Variants in ZFHX3 observed in about 807,000 individuals in gnomAD.
The protein encoded by ZFHX3 is zinc finger homeobox 3.
A neutral mutation model predicts 279.1 loss-of-function variants in ZFHX3; 42 were observed. The ratio of observed to expected loss-of-function variants is 0.15; its 90% CI spans 0.12 to 0.19. The LOEUF (loss-of-function observed/expected upper bound fraction) is 0.19, where lower values mean the gene tolerates loss of function less well. Ranked by LOEUF, ZFHX3 falls within the 10% of genes least tolerant of loss-of-function variation. ZFHX3 has a pLI of 1.00. For synonymous variants in ZFHX3, 2,293 were observed against 1,957.8 expected (o/e 1.17, Z -4.52); for missense variants, 4,981 against 4,754.0 (o/e 1.05, Z -1.40).
At chr16:73,105,383 A>G (rs1192476117) in intron 7 of ZFHX3, among the ~76,000 whole-genome samples, 1 of 36,206 alleles carries the variant, frequency 2.8e-5, no homozygotes, top group Admixed American at 1.8e-4. Flanking sequence ...ATATATATAT[A>G]CACACACACA....
chr16:73,758,283 C>G (rs376467149), intron 1 of ZFHX3, among the ~76,000 whole-genome samples: 2 of 152,150 alleles, frequency 1.3e-5, no homozygotes, highest in Admixed American at 1.3e-4. Context: ...AATACCGACT[C>G]TAAGTGAGGC....
At chr16:73,142,705 GA>G (rs1481001829) in intron 6 of ZFHX3, among the ~76,000 whole-genome samples, 1 of 152,220 alleles carries the variant, frequency 6.6e-6, no homozygotes, top group Non-Finnish European at 1.5e-5. Context: ...GCTAGATGTT[GA>G]TATGGTAATA....
chr16:73,127,992 A>T (rs1966601543), intron 7 of ZFHX3, among the ~76,000 whole-genome samples: 1 of 152,174 alleles, frequency 6.6e-6, no homozygotes, highest in Non-Finnish European at 1.5e-5. Flanking sequence ...TGCCACTGTG[A>T]TCCTGCATAC....
chr16:73,615,008 C>G lies in ZFHX3; in HGVS notation c.-1547+65172G>C, dbSNP rs190626292. ...CTCCTGGGCTCAAGCAATGCACCCA[C>G]GTCGGCCTCCCAAAGTGCTGGGATT... On this transcript the variant is annotated intron_variant, in intron 2 of 17. Coordinates refer to the ZFHX3 transcript ENST00000641206. Among the ~76,000 whole-genome samples the G allele has an allele frequency of 2.5e-3, 384 of 152,152 alleles. 6 individuals are homozygous for G. The highest frequency in any genetic ancestry group is 0.022 in the Admixed American group (329 of 15,274).
chr16:72,953,471 T>C (rs893498438), intron 2 of ZFHX3, among the ~76,000 whole-genome samples: 5 of 152,160 alleles, frequency 3.3e-5, no homozygotes, highest in Non-Finnish European at 7.3e-5. Flanking sequence ...CGTCTCCACT[T>C]TTTAGATTTC....
At chr16:73,393,606 C>G (rs574118119) in intron 3 of ZFHX3, among the ~76,000 whole-genome samples, 2 of 152,136 alleles carry the variant, frequency 1.3e-5, no homozygotes, top group Non-Finnish European at 2.9e-5. Flanking sequence ...TTCCTTCTCA[C>G]GTGAATCTTC....
rs1012059986 is a variant in ZFHX3 at position 72,800,143 on chromosome 16, G to T, written c.3865-14C>A. ...AGGGGTGGTCACCTGAGGAGCAAGAGCAAGGAGAGTCAAATGGAGAGGAAA... is the reference window on the plus strand; with the variant it reads ...AGGGGTGGTCACCTGAGGAGCAAGATCAAGGAGAGTCAAATGGAGAGGAAA... On this transcript the variant is annotated splice_polypyrimidine_tract_variant and intron_variant, in intron 7 of 9. Coordinates refer to ENST00000268489, the MANE Select transcript of ZFHX3 (RefSeq NM_006885.4). 2.5e-6 allele frequency: 4 copies of T among 1,605,748 alleles called. No homozygotes were observed. The highest frequency in any genetic ancestry group is 3.4e-6 in the Non-Finnish European group (4 of 1,172,636).
rs1258245676 is a variant in ZFHX3 at position 72,957,605 on chromosome 16, G to C, written c.2541C>G (p.His847Gln). ...QNMTQIQHNR[H>Q]LGLGSLPSPA... is the part of the protein sequence containing the mutation. ...GTGAGGGCAGGCTGCCGAGGCCCAG[G>C]TGGCGGTTGTGTTGGATCTGGGTCA... is the stretch of plus-strand genomic sequence containing the variant. Residue 847 changes from histidine (H) to glutamine (Q), a missense_variant, in exon 2 of 10, where the codon CAC (histidine) becomes CAG (glutamine). By Grantham distance (24) the His-to-Gln change is conservative. Around this residue, in one of 7 missense-constraint regions of ZFHX3, gnomAD observed 1,751 missense variants for 1,770.0 expected, o/e 0.99. Coordinates refer to ENST00000268489, the MANE Select transcript of ZFHX3 (RefSeq NM_006885.4). The C allele has an allele frequency of 6.2e-7, 1 of 1,614,068 alleles. No individual in the cohort carries two copies. Among genetic ancestry groups the C allele is most frequent in the African/African-American group, 1.3e-5 (1 of 74,926 alleles).
chr16:73,028,981 G>T (rs1964604778), intron 1 of ZFHX3, among the ~76,000 whole-genome samples: 1 of 152,148 alleles, frequency 6.6e-6, no homozygotes, highest in Admixed American at 6.5e-5. Flanking sequence ...AAACAAAGGG[G>T]AAAGTCAATC....
At chr16:72,990,992 T>TAAA (rs567600620) in intron 1 of ZFHX3, among the ~76,000 whole-genome samples, 1 of 134,726 alleles carries the variant, frequency 7.4e-6, no homozygotes. Flanking sequence ...AAAATAAAAT[T>TAAA]AAAAAAAAAA....
chr16:73,780,364 T>C (rs1204590075), intron 1 of ZFHX3, among the ~76,000 whole-genome samples: 1 of 150,348 alleles, frequency 6.7e-6, no homozygotes, highest in Non-Finnish European at 1.5e-5. Flanking sequence ...GCCAGGCTGG[T>C]CTCGAACTCC....
intron 3 of ZFHX3, among the ~76,000 whole-genome samples, chr16:73,336,188 G>A (rs1009178699): frequency 1.3e-5 from 2 of 152,180 alleles, no homozygotes; most frequent in African/African-American, 2.4e-5. Context: ...CGAAGCACCA[G>A]GGACTGTGCA....
intron 1 of ZFHX3, among the ~76,000 whole-genome samples, chr16:73,876,185 G>A (rs2029940956): frequency 6.6e-6 from 1 of 152,190 alleles, no homozygotes; most frequent in Non-Finnish European, 1.5e-5. Flanking sequence ...ACTGAATTCT[G>A]CAGCTGCTTA....
At chr16:73,212,623 TTGCTGATC>T (rs1362726404) in intron 5 of ZFHX3, among the ~76,000 whole-genome samples, 2 of 152,220 alleles carry the variant, frequency 1.3e-5, no homozygotes, top group East Asian at 3.8e-4. Flanking sequence ...CCTGGATCAT[TTGCTGATC>T]TGCCCCCAGC....
intron 9 of ZFHX3, 98 bp from the exon 10 acceptor site, chr16:72,788,946 T>C: frequency 6.8e-7 from 1 of 1,472,654 alleles, no homozygotes; most frequent in Non-Finnish European, 9.0e-7. Context: ...CAGTTTGAGA[T>C]GTCAAGGCTT....
chr16:73,890,239 C>A (rs867005889), intron 1 of ZFHX3, among the ~76,000 whole-genome samples: 72 of 91,120 alleles, frequency 7.9e-4, no homozygotes, highest in Non-Finnish European at 1.2e-3. Context: ...AAAAAAAAAA[C>A]CAAAAAAAAA....
At chr16:73,292,638 C>A (rs2014801834) in intron 4 of ZFHX3, among the ~76,000 whole-genome samples, 2 of 152,100 alleles carry the variant, frequency 1.3e-5, no homozygotes, top group Non-Finnish European at 2.9e-5. Flanking sequence ...AGAAATTGCC[C>A]AGCTCTTCCC....
chr16:72,993,557 C>G (rs1344583829), intron 1 of ZFHX3, among the ~76,000 whole-genome samples: 2 of 152,172 alleles, frequency 1.3e-5, no homozygotes, highest in Non-Finnish European at 2.9e-5. Context: ...AAAGAATCAT[C>G]CCTCCTCACT....
At chr16:72,850,911 G>A (rs748175632) in intron 4 of ZFHX3, among the ~76,000 whole-genome samples, 60 of 152,058 alleles carry the variant, frequency 3.9e-4, no homozygotes, top group African/African-American at 1.1e-3. Flanking sequence ...TGCAAGCAAC[G>A]AAAACTGGTG....
Sources: gnomAD v4.1 joint callset for allele counts (sites outside exome capture counted in the v4.1 genomes callset) on GRCh38, gnomAD v4.1.1 for gene constraint, gnomAD v4.1.1 regional missense constraint, MANE v1.5 for transcripts, NCBI Gene and HGNC (gene_info 2026-07-23, HGNC 2026-07-21) for gene names.